AP4S1: variants seen among roughly 807,000 people sequenced by gnomAD.
AP4S1 encodes adaptor related protein complex 4 subunit sigma 1.
A neutral mutation model predicts 19.8 loss-of-function variants in AP4S1; 23 were observed. The ratio of observed to expected loss-of-function variants is 1.16; its 90% CI spans 0.84 to 1.65. The LOEUF (loss-of-function observed/expected upper bound fraction) is 1.65, where lower values mean the gene tolerates loss of function less well. AP4S1 is among the 40% of genes most tolerant of loss of function. AP4S1 has a pLI of 0.00. For missense variants in AP4S1, 166 were observed against 172.8 expected, an observed-to-expected ratio of 0.96 and a Z score of 0.22; for synonymous variants, 46 against 54.1, an observed-to-expected ratio of 0.85 and a Z score of 0.66.
chr14:31,051,114 G>A (rs1226622946), intron 1 of AP4S1, among the ~76,000 whole-genome samples: 2 of 151,960 alleles, frequency 1.3e-5, no homozygotes, highest in Non-Finnish European at 2.9e-5. Context: ...AAGTTAGCTG[G>A]GTGTGGTGGT....
chr14:31,065,860 C>G (rs1333195518), intron 1 of AP4S1, among the ~76,000 whole-genome samples: 1 of 152,010 alleles, frequency 6.6e-6, no homozygotes, highest in African/African-American at 2.4e-5. Flanking sequence ...CAGGGTTTCA[C>G]CATGTTATCC....
intron 1 of AP4S1, 110 bp from the exon 2 acceptor site, chr14:31,066,016 A>G (rs1180089539): frequency 1.7e-6 from 1 of 578,280 alleles, no homozygotes; most frequent in African/African-American, 1.9e-5. Context: ...TGATATTATC[A>G]GATGATATTT....
intron 5 of AP4S1, among the ~76,000 whole-genome samples, chr14:31,087,074 T>A (rs527901700): frequency 2.0e-4 from 31 of 152,164 alleles, no homozygotes; most frequent in Non-Finnish European, 2.8e-4. Context: ...TTTAAAAAAA[T>A]TTTTTAAAAT....
intron 5 of AP4S1, chr14:31,083,662 G>A (rs1887781047): frequency 2.5e-6 from 1 of 406,022 alleles, no homozygotes; most frequent in Non-Finnish European, 4.9e-6. Context: ...ACAACACCAT[G>A]CCTGGCTAAT....
At chr14:31,033,917 T>C (rs1884564997) in intron 1 of AP4S1, among the ~76,000 whole-genome samples, 1 of 152,206 alleles carries the variant, frequency 6.6e-6, no homozygotes, top group Admixed American at 6.5e-5. Flanking sequence ...TGTGATAATA[T>C]TGTTTAATAG....
At chr14:31,031,473 C>T (rs956217016) in intron 1 of AP4S1, among the ~76,000 whole-genome samples, 7 of 152,172 alleles carry the variant, frequency 4.6e-5, no homozygotes, top group South Asian at 4.1e-4. Flanking sequence ...AATATTTTTT[C>T]GTCACGTCAA....
intron 1 of AP4S1, among the ~76,000 whole-genome samples, chr14:31,041,704 C>G (rs1401617316): frequency 1.3e-5 from 2 of 152,196 alleles, no homozygotes; most frequent in African/African-American, 4.8e-5. Context: ...GTTTTCACCA[C>G]TAAGCACAAA....
At chr14:31,032,107 C>T (rs974026771) in intron 1 of AP4S1, among the ~76,000 whole-genome samples, 2 of 150,226 alleles carry the variant, frequency 1.3e-5, no homozygotes, top group African/African-American at 4.9e-5. Context: ...AAGAGCTGGG[C>T]GCGGTGGCTC....
intron 1 of AP4S1, among the ~76,000 whole-genome samples, chr14:31,029,618 GACCA>G (rs1047004462): frequency 6.6e-6 from 1 of 152,038 alleles, no homozygotes; most frequent in Admixed American, 6.6e-5. Context: ...AGGAATTCGA[GACCA>G]ACCTGGGCAA....
At chr14:31,073,571 C>T in intron 4 of AP4S1, among the ~76,000 whole-genome samples, 1 of 150,828 alleles carries the variant, frequency 6.6e-6, no homozygotes, top group Non-Finnish European at 1.5e-5. Flanking sequence ...TTCTTCTTCC[C>T]TCTGCTTTCT....
intron 1 of AP4S1, among the ~76,000 whole-genome samples, chr14:31,058,205 C>T (rs1420008726): frequency 6.6e-6 from 1 of 152,060 alleles, no homozygotes; most frequent in African/African-American, 2.4e-5. Context: ...GCTGGGATTA[C>T]AGGCATGAAC....
chr14:31,035,849 C>A (rs550360715), intron 1 of AP4S1, among the ~76,000 whole-genome samples: 4 of 131,522 alleles, frequency 3.0e-5, no homozygotes, highest in African/African-American at 1.2e-4. Flanking sequence ...CCTGCCTCAG[C>A]CTTCCCGAGT....
intron 1 of AP4S1, among the ~76,000 whole-genome samples, chr14:31,057,384 T>C (rs1886178100): frequency 2.6e-5 from 4 of 152,208 alleles, no homozygotes. Context: ...TTAGTCACAG[T>C]TGACACCCAA....
chr14:31,095,370 G>A lies in AP4S1; in HGVS notation c.*2335G>A, dbSNP rs1460015750. On this transcript the variant is annotated 3_prime_UTR_variant, in exon 6 of 6. Transcript: ENST00000542754. ...GAACATTACTTTCAAATAATGGATG[G>A]TCAGACATTAAGACAGCCCCAGAGA... The A allele has an allele frequency of 6.6e-6, 1 of 152,160 alleles. No homozygotes were observed. The highest frequency in any genetic ancestry group is 1.9e-4 in the East Asian group (1 of 5,196). 9.4% of individuals were successfully genotyped at this position (152,160 alleles called of 1,614,324 possible).
intron 1 of AP4S1, chr14:31,026,558 A>G (rs1328602805): frequency 1.6e-5 from 3 of 186,314 alleles, no homozygotes; most frequent in Non-Finnish European, 3.3e-5. Flanking sequence ...GCGCACTGAG[A>G]ACGCAGCCCG....
chr14:31,075,593 A>C (rs997470183), intron 4 of AP4S1, among the ~76,000 whole-genome samples: 3 of 152,180 alleles, frequency 2.0e-5, no homozygotes, highest in Middle Eastern at 3.2e-3. Context: ...ATTTCATATA[A>C]ATAGAATTGT....
In AP4S1 at chr14:31,093,093, A is replaced by T; in HGVS notation, c.*58A>T. 1.3e-6 allele frequency: 2 copies of T among 1,503,476 alleles called. No individual in the cohort carries two copies. The highest frequency in any genetic ancestry group is 1.8e-6 in the Non-Finnish European group (2 of 1,123,348). 93.1% of individuals were successfully genotyped at this position (1,503,476 alleles called of 1,614,324 possible). On this transcript the variant is annotated 3_prime_UTR_variant, in exon 6 of 6. Coordinates refer to ENST00000542754, the MANE Select transcript of AP4S1 (RefSeq NM_001128126.3). ...CAGAAATGCGAGTACCGTGGAATAC[A>T]TCTCAACATGTTAACCCAGAAGAAT... is the stretch of plus-strand genomic sequence containing the variant.
rs74602180 is a variant in AP4S1, at chr14:31,083,934, G to T, written c.306+3350G>T. On this transcript the variant is annotated intron_variant, in intron 5 of 5. Coordinates refer to ENST00000542754, the MANE Select transcript of AP4S1 (RefSeq NM_001128126.3). ...CACAGCAGAAAGATGAGGGGATCTT[G>T]TCGAAGCTCAGCTGCAGTTCCTGCT... Among the ~76,000 whole-genome samples, 775 of 152,296 alleles carry T rather than the reference G, an allele frequency of 5.1e-3. 6 individuals carry two copies. Among genetic ancestry groups the T allele is most frequent in the African/African-American group, 0.018 (742 of 41,560 alleles).
chr14:31,071,935 G>C (rs1887033658), intron 3 of AP4S1, among the ~76,000 whole-genome samples: 1 of 149,714 alleles, frequency 6.7e-6, no homozygotes, highest in Non-Finnish European at 1.5e-5. Context: ...TTTTTTGGGG[G>C]GGTGGGGATG....
Sources: allele counts gnomAD v4.1 joint callset (sites outside exome capture counted in the v4.1 genomes callset), GRCh38; gene constraint gnomAD v4.1.1; transcripts MANE v1.5; gene names NCBI Gene and HGNC (gene_info 2026-07-23, HGNC 2026-07-21).